Variants in DSC2 observed in about 807,000 individuals in gnomAD.
DSC2 encodes the protein desmocollin 2.
Under a neutral mutation model 87.6 loss-of-function variants are expected in DSC2, and 51 were observed. The observed-to-expected ratio is 0.58, with a 90% confidence interval of 0.46 to 0.74. The LOEUF (loss-of-function observed/expected upper bound fraction) is 0.74. DSC2 is among the 30% of genes least tolerant of loss of function. The pLI is 0.00. For synonymous variants in DSC2, 383 were observed against 393.2 expected, an observed-to-expected ratio of 0.97 and a Z score of 0.31; for missense variants, 1,066 against 1,089.5, an observed-to-expected ratio of 0.98 and a Z score of 0.30.
chr18:31,079,523 G>A (rs577251703), intron 11 of DSC2, among the ~76,000 whole-genome samples: 1 of 152,158 alleles, frequency 6.6e-6, no homozygotes, highest in East Asian at 1.9e-4. Context: ...CCAAAGTGCT[G>A]GGATTACAGG....
Position 31,101,995 on chromosome 18 carries a change from G to T in DSC2, c.-24C>A, listed in dbSNP as rs547549872. 6.7e-7 allele frequency: 1 copy of T among 1,487,798 alleles called. No homozygotes were observed. Among genetic ancestry groups the T allele is most frequent in the Non-Finnish European group, 8.9e-7 (1 of 1,122,818 alleles). 92.2% of individuals were successfully genotyped at this position (1,487,798 alleles called of 1,614,324 possible). ...ATGGAGAGGGCTCGGGGCAGGTCGC[G>T]GGCCGAGCGTCGGGCCGGGGTAGGA... is the stretch of plus-strand genomic sequence containing the variant. On this transcript the variant is annotated 5_prime_UTR_variant, in exon 1 of 16. Coordinates refer to ENST00000280904, the MANE Select transcript of DSC2 (RefSeq NM_024422.6).
In DSC2 at chr18:31,063,791, A is replaced by T. The variant is rs1042584792; in HGVS notation, c.*4224T>A. On this transcript the variant is annotated 3_prime_UTR_variant, in exon 16 of 16. Transcript: ENST00000280904. ...ATGGTAAATGGAAAATGCTGTTTTG[A>T]TTTGTAATATTTTCAATTTACCATG... 2.0e-5 allele frequency: 3 copies of T among 152,192 alleles called. No individual in the cohort carries two copies. In the East Asian group the frequency reaches 5.8e-4, roughly 29 times the overall value. 9.4% of individuals were successfully genotyped at this position (152,192 alleles called of 1,614,324 possible).
Position 31,091,074 on chromosome 18 carries a change from G to C in DSC2, c.428C>G (p.Ser143Trp), listed in dbSNP as rs769576778. The C allele has an allele frequency of 1.9e-6, 3 of 1,613,970 alleles. No individual in the cohort carries two copies. The highest frequency in any genetic ancestry group is 2.5e-6 in the Non-Finnish European group (3 of 1,179,942). The change falls in exon 4 of 16, where the codon TCG becomes TGG. Residue 143 changes from serine (S) to tryptophan (W), a missense_variant. By Grantham distance (177) the Ser-to-Trp change is radical (BLOSUM62 -3). Transcript: ENST00000280904. ...AKRRWAPIPCSMLENSLGPFP... is the reference protein window; with the variant it reads ...AKRRWAPIPCWMLENSLGPFP... The stretch of plus-strand genomic sequence containing the variant: ...AGGACCCAAGGAGTTTTCTAGCATC[G>C]AACAAGGAATTGGAGCCCATCTTCT...
intron 11 of DSC2, among the ~76,000 whole-genome samples, chr18:31,077,998 G>C (rs1987078515): frequency 6.6e-6 from 1 of 152,180 alleles, no homozygotes; most frequent in African/African-American, 2.4e-5. Context: ...GTTAAGACCA[G>C]AAAGCATGCA....
rs753887142 is a variant in DSC2, at chr18:31,074,725, T to C, written c.1846A>G (p.Thr616Ala). 11 of 1,613,922 alleles carry C rather than the reference T, an allele frequency of 6.8e-6. No individual in the cohort carries two copies. Among genetic ancestry groups the C allele is most frequent in the East Asian group, 6.7e-5 (3 of 44,846 alleles). ...CTCCACATTCTCTGTACTTCTGAAG[T>C]AGAACTCTCCAGACTAAAGTCAAAG... ...PPFDFSLESS[T>A]SEVQRMWRLK... The change falls in exon 12 of 16, where the codon ACT becomes GCT. Residue 616 changes from threonine to alanine, a missense_variant. By Grantham distance (58) the Thr-to-Ala change is moderately conservative (BLOSUM62 0). Coordinates refer to ENST00000280904, the MANE Select transcript of DSC2 (RefSeq NM_024422.6).
Position 31,093,577 on chromosome 18 carries a change from C to T in DSC2, c.136G>A (p.Glu46Lys), listed in dbSNP as rs180908546. ...TCCTTACCTCTACCAACAAGTTTCTCGGCATCTAGTTTGGAGGGAACATGT... is the reference window on the plus strand; with the variant it reads ...TCCTTACCTCTACCAACAAGTTTCTTGGCATCTAGTTTGGAGGGAACATGT... ...TLHVPSKLDA[E>K]KLVGRVNLKE... The change falls in exon 2 of 16, where the codon GAG becomes AAG. Residue 46 changes from glutamate (E) to lysine (K), a missense_variant. Glu to Lys is a moderately conservative substitution (Grantham distance 56, BLOSUM62 1). Coordinates refer to ENST00000280904, the MANE Select transcript of DSC2 (RefSeq NM_024422.6). 157 of 1,605,112 alleles carry T rather than the reference C, an allele frequency of 9.8e-5. No homozygotes were observed. The highest frequency in any genetic ancestry group is 1.3e-4 in the South Asian group (12 of 90,790).
chr18:31,081,992 C>A (rs1224573425), intron 9 of DSC2, among the ~76,000 whole-genome samples: 4 of 151,596 alleles, frequency 2.6e-5, no homozygotes, highest in Non-Finnish European at 5.9e-5. Flanking sequence ...GTTTTTGAAC[C>A]ATTTAAAGAT....
At chr18:31,073,945 T>C (rs891863715) in intron 12 of DSC2, among the ~76,000 whole-genome samples, 3 of 152,236 alleles carry the variant, frequency 2.0e-5, no homozygotes, top group Non-Finnish European at 4.4e-5. Context: ...TGGTGGACAC[T>C]GTGGTGTATA....
At chr18:31,074,991 T>A in intron 11 of DSC2, 84 bp from the exon 12 acceptor site, 1 of 1,357,930 alleles carries the variant, frequency 7.4e-7, no homozygotes, top group East Asian at 2.5e-5. Context: ...GAAAAATATT[T>A]ATTAAGCACC....
chr18:31,067,310 C>G lies in DSC2; in HGVS notation c.*705G>C, dbSNP rs372988931. On this transcript the variant is annotated 3_prime_UTR_variant, in exon 16 of 16. Transcript: ENST00000280904. ...AGAGACAGAGAGAAAGAGAGAGATGCTACTTGACATTTTAAAGACCAAAAA... is the reference window on the plus strand; with the variant it reads ...AGAGACAGAGAGAAAGAGAGAGATGGTACTTGACATTTTAAAGACCAAAAA... 1 of 149,678 alleles carries G rather than the reference C, an allele frequency of 6.7e-6. No homozygotes were observed. The highest frequency in any genetic ancestry group is 1.5e-5 in the Non-Finnish European group (1 of 67,542). 9.3% of individuals were successfully genotyped at this position (149,678 alleles called of 1,614,324 possible). A position where few individuals can be genotyped will look rare whatever the true frequency, so the allele number is the denominator to read the frequency against.
At chr18:31,074,403 A>C (rs1986933828) in intron 12 of DSC2, among the ~76,000 whole-genome samples, 1 of 147,218 alleles carries the variant, frequency 6.8e-6, no homozygotes. Flanking sequence ...AAGAGAGAGA[A>C]AGAGAGAAAG....
At chr18:31,088,421 T>G (rs779546130) in intron 5 of DSC2, among the ~76,000 whole-genome samples, 1 of 152,134 alleles carries the variant, frequency 6.6e-6, no homozygotes, top group East Asian at 1.9e-4. Context: ...TCAATACCAA[T>G]TTTCTCATAA....
intron 12 of DSC2, among the ~76,000 whole-genome samples, chr18:31,072,792 A>G (rs1986877098): frequency 6.6e-6 from 1 of 152,180 alleles, no homozygotes; most frequent in East Asian, 1.9e-4. Flanking sequence ...TTGAAGCTCT[A>G]AATACAAATT....
Position 31,097,163 on chromosome 18 carries a change from C to A in DSC2, c.70-3520G>T, listed in dbSNP as rs918754223. Among the ~76,000 whole-genome samples the A allele has an allele frequency of 4.0e-5, 6 of 151,656 alleles. No homozygotes were observed. The East Asian group carries it at 1.2e-3, about 29-fold the overall frequency. On this transcript the variant is annotated intron_variant, in intron 1 of 15. Coordinates refer to ENST00000280904, the MANE Select transcript of DSC2 (RefSeq NM_024422.6). ...ATTAGCCAGGCGTGGTGGCGGGCAC[C>A]GGTAGTCCCGGCTACTCGGGAGGCT...
chr18:31,083,551 A>C (rs1248413575), intron 7 of DSC2, among the ~76,000 whole-genome samples: 1 of 152,192 alleles, frequency 6.6e-6, no homozygotes. Flanking sequence ...CTTATGTTCA[A>C]AAAAATAGAC....
intron 1 of DSC2, among the ~76,000 whole-genome samples, chr18:31,099,426 C>T (rs1987863295): frequency 1.3e-5 from 2 of 152,032 alleles, no homozygotes; most frequent in African/African-American, 4.8e-5. Context: ...TAGAGATCTG[C>T]TATATGACAT....
intron 7 of DSC2, among the ~76,000 whole-genome samples, chr18:31,084,265 T>C (rs894844677): frequency 6.6e-6 from 1 of 152,150 alleles, no homozygotes; most frequent in African/African-American, 2.4e-5. Context: ...CAATCACATG[T>C]GTAGACTTGA....
intron 3 of DSC2, chr18:31,091,438 C>T (rs529721051): frequency 1.1e-5 from 6 of 528,586 alleles, no homozygotes; most frequent in East Asian, 9.5e-5. Context: ...TTACTGTTGC[C>T]CCATTGCCAT....
intron 1 of DSC2, chr18:31,101,678 A>G (rs987437185): frequency 1.8e-6 from 1 of 549,652 alleles, no homozygotes; most frequent in Non-Finnish European, 3.2e-6. Context: ...CGCTGATTAC[A>G]TCTACCGGAG....
Sources: allele counts gnomAD v4.1 joint callset (sites outside exome capture counted in the v4.1 genomes callset), GRCh38; gene constraint gnomAD v4.1.1; transcripts MANE v1.5; gene names NCBI Gene and HGNC (gene_info 2026-07-23, HGNC 2026-07-21).